The following GLI3 variants were observed in gnomAD, a reference collection of about 807,000 sequenced individuals.
The protein encoded by GLI3 is transcription activator GLI3.
Under a neutral mutation model 100.8 loss-of-function variants are expected in GLI3, and 20 were observed. The ratio of observed to expected loss-of-function variants is 0.20; its 90% CI spans 0.14 to 0.29. The LOEUF (loss-of-function observed/expected upper bound fraction) is 0.29, where lower values mean the gene tolerates loss of function less well. GLI3 is among the 10% of genes least tolerant of loss of function. The probability of loss-of-function intolerance (pLI) is 1.00; values close to 1 mark genes in which losing one functional copy is unlikely to be tolerated. For missense variants in GLI3, 2,040 were observed against 2,128.5 expected (o/e 0.96, Z 0.82); for synonymous variants, 938 against 860.5 (o/e 1.09, Z -1.58).
chr7:42,158,500 T>A (rs2128792280), intron 2 of GLI3, among the ~76,000 whole-genome samples: 1 of 152,180 alleles, frequency 6.6e-6, no homozygotes, highest in Non-Finnish European at 1.5e-5. Flanking sequence ...ACTATTTTTT[T>A]TTTTTTGGGA....
intron 4 of GLI3, among the ~76,000 whole-genome samples, chr7:42,071,780 A>G (rs937717410): frequency 2.0e-5 from 3 of 152,184 alleles, no homozygotes; most frequent in East Asian, 1.9e-4. Flanking sequence ...ACAGGCAGCC[A>G]TAATTACGGG....
At chr7:42,068,860 C>T (rs1480289833) in intron 4 of GLI3, among the ~76,000 whole-genome samples, 1 of 152,166 alleles carries the variant, frequency 6.6e-6, no homozygotes, top group Admixed American at 6.5e-5. Flanking sequence ...TAAACCTAAC[C>T]TCAAAGTGTC....
At chr7:41,971,368 A>G (rs1008385096) in intron 13 of GLI3, among the ~76,000 whole-genome samples, 2 of 152,190 alleles carry the variant, frequency 1.3e-5, no homozygotes, top group African/African-American at 4.8e-5. Flanking sequence ...CCAGAACCCA[A>G]TATATTTGCA....
intron 1 of GLI3, among the ~76,000 whole-genome samples, chr7:42,233,339 T>C (rs930692263): frequency 3.9e-5 from 6 of 152,222 alleles, no homozygotes; most frequent in African/African-American, 1.4e-4. Context: ...ACACATAGCA[T>C]ATTTAATCTG....
At chr7:42,020,754 G>A (rs559307762) in intron 10 of GLI3, among the ~76,000 whole-genome samples, 15 of 152,162 alleles carry the variant, frequency 9.9e-5, no homozygotes, top group African/African-American at 3.1e-4. Context: ...GCCGGGCGTG[G>A]TAGCGGGCGC....
chr7:42,023,398 C>A, intron 10 of GLI3, 70 bp downstream of exon 10: 1 of 1,521,268 alleles, frequency 6.6e-7, no homozygotes, highest in South Asian at 1.1e-5. Flanking sequence ...AGCTCAGGGT[C>A]AGAGAGGCTG....
intron 3 of GLI3, among the ~76,000 whole-genome samples, chr7:42,099,269 A>G (rs1368362596): frequency 1.3e-5 from 2 of 152,192 alleles, no homozygotes; most frequent in Non-Finnish European, 2.9e-5. Flanking sequence ...AAGGTTTCAC[A>G]TTCTCCCAAT....
intron 3 of GLI3, 130 bp downstream of exon 3, chr7:42,148,096 C>A: frequency 1.1e-6 from 1 of 940,268 alleles, no homozygotes; most frequent in South Asian, 2.0e-5. Flanking sequence ...AAAATTACAC[C>A]TTTTAATAAA....
At chr7:42,121,359 C>T (rs963329813) in intron 3 of GLI3, among the ~76,000 whole-genome samples, 3 of 152,176 alleles carry the variant, frequency 2.0e-5, no homozygotes, top group African/African-American at 4.8e-5. Flanking sequence ...GCAGATGCTG[C>T]GTGTCCTGGG....
rs1209522560 is a variant in GLI3, at chr7:41,964,354, G to C, written c.4719C>G (p.Ser1573Arg). Reference protein sequence around the residue: ...SSLLTSLAEESKFLAVMQ With the variant: ...SSLLTSLAEERKFLAVMQ ...CCTATTGCATAACTGCAAGGAATTTGCTTTCTTCCGCTAGGGAGGTCAGCA... is the reference window on the plus strand; with the variant it reads ...CCTATTGCATAACTGCAAGGAATTTCCTTTCTTCCGCTAGGGAGGTCAGCA... Residue 1573 changes from serine (S) to arginine (R), a missense_variant, in exon 15 of 15, where the codon AGC becomes AGG. By Grantham distance (110) the Ser-to-Arg change is moderately radical (BLOSUM62 -1). Coordinates refer to ENST00000395925, the MANE Select transcript of GLI3 (RefSeq NM_000168.6). 1 of 1,614,124 alleles carries C rather than the reference G, an allele frequency of 6.2e-7. No individual in the cohort carries two copies.
chr7:42,195,569 G>C (rs1787912518), intron 2 of GLI3, among the ~76,000 whole-genome samples: 1 of 152,166 alleles, frequency 6.6e-6, no homozygotes, highest in Admixed American at 6.5e-5. Flanking sequence ...CAGATGCCCA[G>C]CTCTGTTCCC....
At chr7:42,227,839 C>G (rs1431999422) in intron 1 of GLI3, 1 of 152,208 alleles carries the variant, frequency 6.6e-6, no homozygotes, top group African/African-American at 2.4e-5. Flanking sequence ...GGCGGGGGAC[C>G]AGTGGAAACC....
intron 10 of GLI3, among the ~76,000 whole-genome samples, chr7:41,991,008 T>C (rs1350527422): frequency 6.6e-6 from 1 of 152,114 alleles, no homozygotes; most frequent in East Asian, 1.9e-4. Flanking sequence ...TTTGGAAATC[T>C]GCCCACAGTC....
At chr7:42,174,763 G>A (rs142879097) in intron 2 of GLI3, among the ~76,000 whole-genome samples, 222 of 152,278 alleles carry the variant, frequency 1.5e-3, no homozygotes, top group Admixed American at 3.0e-3. Context: ...GTGACGGCAC[G>A]GGCGAGGAGT....
At chr7:41,968,767 A>G (rs548022382) in intron 13 of GLI3, among the ~76,000 whole-genome samples, 163 of 119,242 alleles carry the variant, frequency 1.4e-3, no homozygotes, top group South Asian at 2.9e-3. Flanking sequence ...AAAGAAGGAA[A>G]GAAAGAAAGA....
intron 3 of GLI3, among the ~76,000 whole-genome samples, chr7:42,086,557 G>A (rs1203544753): frequency 1.3e-5 from 2 of 152,008 alleles, no homozygotes; most frequent in East Asian, 3.9e-4. Context: ...GCTCTGTCCA[G>A]GACACCTCCC....
At chr7:42,025,985 A>C (rs541329291) in intron 8 of GLI3, among the ~76,000 whole-genome samples, 1 of 152,224 alleles carries the variant, frequency 6.6e-6, no homozygotes, top group African/African-American at 2.4e-5. Context: ...TGCCCATGGG[A>C]AAATGACCCT....
intron 2 of GLI3, among the ~76,000 whole-genome samples, chr7:42,186,353 C>A (rs1193464148): frequency 6.6e-6 from 1 of 152,174 alleles, no homozygotes; most frequent in African/African-American, 2.4e-5. Flanking sequence ...TTGGTTAGCA[C>A]CCCTAGTGGC....
intron 3 of GLI3, among the ~76,000 whole-genome samples, chr7:42,115,099 C>T (rs557291678): frequency 2.0e-5 from 3 of 149,330 alleles, no homozygotes; most frequent in African/African-American, 7.4e-5. Flanking sequence ...AAATGTAAAC[C>T]TTTTTCTTGT....
Sources: allele counts gnomAD v4.1 joint callset (sites outside exome capture counted in the v4.1 genomes callset), GRCh38; gene constraint gnomAD v4.1.1; transcripts MANE v1.5; gene names NCBI Gene and HGNC (gene_info 2026-07-23, HGNC 2026-07-21).